Variants in TRIM22 observed in about 807,000 individuals in gnomAD.
The protein encoded by TRIM22 is tripartite motif containing 22.
TRIM22 carries 45 observed loss-of-function variants against 53.6 expected under a neutral mutation model. That is an observed-to-expected ratio of 0.84 (90% confidence interval 0.66 to 1.08). The LOEUF (loss-of-function observed/expected upper bound fraction) is 1.08. TRIM22 is among the 50% of genes least tolerant of loss of function. The pLI is 0.00. For synonymous variants in TRIM22, 225 were observed against 216.6 expected, an observed-to-expected ratio of 1.04 and a Z score of -0.34; for missense variants, 616 against 590.9, an observed-to-expected ratio of 1.04 and a Z score of -0.44.
chr11:5,703,176 A>C (rs1032992332), intron 4 of TRIM22, among the ~76,000 whole-genome samples: 11 of 152,162 alleles, frequency 7.2e-5, no homozygotes, highest in East Asian at 5.8e-4. Flanking sequence ...CCCAATCAGT[A>C]GTTTTTCAAC....
intron 3 of TRIM22, 195 bp downstream of exon 3, chr11:5,697,538 A>G (rs1005471993): frequency 2.1e-6 from 1 of 476,838 alleles, no homozygotes; most frequent in African/African-American, 1.9e-5. Context: ...AATCAACACT[A>G]TATTTGGAAG....
chr11:5,698,686 C>T, intron 4 of TRIM22, 141 bp downstream of exon 4: 1 of 660,144 alleles, frequency 1.5e-6, no homozygotes, highest in South Asian at 1.9e-5. Context: ...CCCTTTTATG[C>T]CCATCATTTC....
In TRIM22 at chr11:5,697,234, T is replaced by C. The variant is rs771589887; in HGVS notation, c.424-14T>C. 9 of 1,591,754 alleles carry C rather than the reference T, an allele frequency of 5.7e-6. No homozygotes were observed. The South Asian group carries it at 1.0e-4, about 18-fold the overall frequency. On this transcript the variant is annotated splice_polypyrimidine_tract_variant and intron_variant, in intron 2 of 7. Coordinates refer to ENST00000379965, the MANE Select transcript of TRIM22 (RefSeq NM_006074.5). ...AGCTCATAACTTTACTCTGGTATAATTTATTTCTTACAGGAAAAGCTGCAG... is the reference window on the plus strand; with the variant it reads ...AGCTCATAACTTTACTCTGGTATAACTTATTTCTTACAGGAAAAGCTGCAG...
At chr11:5,697,939 G>T (rs1034178046) in intron 3 of TRIM22, 1 of 203,792 alleles carries the variant, frequency 4.9e-6, no homozygotes, top group Non-Finnish European at 1.0e-5. Flanking sequence ...TCCTGACCTT[G>T]TGATCCACCC....
chr11:5,697,106 C>T, intron 2 of TRIM22, 142 bp from the exon 3 acceptor site: 1 of 605,276 alleles, frequency 1.7e-6, no homozygotes, highest in Non-Finnish European at 2.9e-6. Flanking sequence ...GATTTTCCCC[C>T]ATGCCATAGG....
At chr11:5,707,081 T>C (rs1317383658) in intron 5 of TRIM22, among the ~76,000 whole-genome samples, 5 of 152,224 alleles carry the variant, frequency 3.3e-5, no homozygotes, top group East Asian at 1.9e-4. Flanking sequence ...TCTTGAGGAA[T>C]AGTGGCTTTG....
intron 3 of TRIM22, chr11:5,697,564 A>C (rs896832332): frequency 9.1e-6 from 4 of 437,780 alleles, no homozygotes; most frequent in African/African-American, 2.0e-5. Flanking sequence ...GCATGGAGGG[A>C]AATATCTGTG....
At chr11:5,698,790 G>C (rs7950219) in intron 4 of TRIM22, among the ~76,000 whole-genome samples, 29,474 of 152,050 alleles carry the variant, frequency 0.19, 2,989 homozygotes, top group East Asian at 0.26. Context: ...AGCTTGGAGA[G>C]GATTCTTTGT....
chr11:5,696,731 C>A, intron 2 of TRIM22, 76 bp downstream of exon 2: 1 of 1,462,916 alleles, frequency 6.8e-7, no homozygotes, highest in Non-Finnish European at 9.2e-7. Flanking sequence ...CTTTTTTTGT[C>A]CTGCTTTATT....
Position 5,696,526 on chromosome 11 carries a change from G to A in TRIM22, c.294G>A (p.Glu98=). Residue 98 remains glutamate, a synonymous_variant, in exon 2 of 8, where the codon GAG becomes GAA. Transcript: ENST00000379965. ...PQEGQKRDVC[E]HHGKKLQIFC... ...AGGGGCAGAAGAGAGATGTCTGTGA[G>A]CACCATGGAAAAAAACTCCAGATCT... is the stretch of plus-strand genomic sequence containing the variant. The A allele has an allele frequency of 1.2e-6, 2 of 1,614,190 alleles. No homozygotes were observed. Among genetic ancestry groups the A allele is most frequent in the Non-Finnish European group, 1.7e-6 (2 of 1,180,038 alleles).
chr11:5,691,440 A>T (rs367668165), intron 1 of TRIM22, among the ~76,000 whole-genome samples: 1 of 152,222 alleles, frequency 6.6e-6, no homozygotes, highest in Middle Eastern at 3.2e-3. Flanking sequence ...ATAACAAACC[A>T]ATTAGGTCAG....
rs771700204 is a variant in TRIM22, at chr11:5,709,320, C to T, written c.1169C>T (p.Pro390Leu). The T allele has an allele frequency of 1.2e-5, 19 of 1,613,976 alleles. No homozygotes were observed. The Admixed American group carries it at 2.2e-4, about 18-fold the overall frequency. Residue 390 changes from proline to leucine, a missense_variant, in exon 8 of 8, where the codon CCA (proline) becomes CTA (leucine). Coordinates refer to ENST00000379965, the MANE Select transcript of TRIM22 (RefSeq NM_006074.5). ...AAGAGCTCTGGGTTTGCTTTTGATCCAAGTGTAAATTATTCAAAAGTTTAC... is the reference window on the plus strand; with the variant it reads ...AAGAGCTCTGGGTTTGCTTTTGATCTAAGTGTAAATTATTCAAAAGTTTAC... ...KRKSSGFAFD[P>L]SVNYSKVYSR...
At chr11:5,702,254 TATATATA>T (rs926023646) in intron 4 of TRIM22, among the ~76,000 whole-genome samples, 1 of 144,998 alleles carries the variant, frequency 6.9e-6, no homozygotes, top group East Asian at 1.9e-4. Flanking sequence ...TATATATAGT[TATATATA>T]ATATATAACT....
chr11:5,696,703 C>T (rs1377472374), intron 2 of TRIM22, 48 bp downstream of exon 2: 1 of 1,543,204 alleles, frequency 6.5e-7, no homozygotes, highest in African/African-American at 1.4e-5. Context: ...GAAGATGGTA[C>T]CTAATGTGAA....
Position 5,698,326 on chromosome 11 carries a change from G to A in TRIM22, c.531G>A (p.Gln177=). The A allele has an allele frequency of 1.2e-6, 2 of 1,614,104 alleles. No homozygotes were observed. Among genetic ancestry groups the A allele is most frequent in the Non-Finnish European group, 1.7e-6 (2 of 1,179,970 alleles). The change falls in exon 4 of 8, where the codon CAG becomes CAA. Residue 177 remains glutamine, a synonymous_variant. Coordinates refer to ENST00000379965, the MANE Select transcript of TRIM22 (RefSeq NM_006074.5). ...QERTAWKNYI[Q]IERQKILKGF... Reference sequence around the variant, plus strand: ...TTTTCATTCCCAAGAATTATATCCAGATCGAGAGACAGAAGATTCTGAAAG... The same window carrying A: ...TTTTCATTCCCAAGAATTATATCCAAATCGAGAGACAGAAGATTCTGAAAG...
In TRIM22 at chr11:5,709,261, C is replaced by T; in HGVS notation, c.1110C>T (p.Gly370=). Residue 370 remains glycine (G), a synonymous_variant, in exon 8 of 8, where the codon GGC becomes GGT. Coordinates refer to ENST00000379965, the MANE Select transcript of TRIM22 (RefSeq NM_006074.5). ...DVSGKIAWIL[G]VHSKISSLNK... is the part of the protein sequence containing the mutation. ...CTGGAAAGATTGCCTGGATCCTGGG[C>T]GTACACAGTAAAATAAGTAGTCTGA... 5 of 1,614,072 alleles carry T rather than the reference C, an allele frequency of 3.1e-6. No individual in the cohort carries two copies. The highest frequency in any genetic ancestry group is 1.3e-5 in the African/African-American group (1 of 75,016).
At chr11:5,705,796 G>A (rs373255389) in intron 4 of TRIM22, among the ~76,000 whole-genome samples, 1 of 152,096 alleles carries the variant, frequency 6.6e-6, no homozygotes, top group Admixed American at 6.5e-5. Flanking sequence ...GACACTATTC[G>A]GGACAGTGGG....
At chr11:5,702,407 A>ATAAAAATATTT (rs1853388878) in intron 4 of TRIM22, among the ~76,000 whole-genome samples, 2 of 147,548 alleles carry the variant, frequency 1.4e-5, no homozygotes, top group African/African-American at 4.9e-5. Flanking sequence ...TATTTGAAAT[A>ATAAAAATATTT]TAAAAATATT....
chr11:5,694,815 G>GT (rs1853231934), intron 1 of TRIM22, among the ~76,000 whole-genome samples: 1 of 152,106 alleles, frequency 6.6e-6, no homozygotes, highest in Admixed American at 6.5e-5. Flanking sequence ...GGGTGTGTGT[G>GT]TATGTCTTTG....
Sources: allele counts gnomAD v4.1 joint callset (sites outside exome capture counted in the v4.1 genomes callset), GRCh38; gene constraint gnomAD v4.1.1; transcripts MANE v1.5; gene names NCBI Gene and HGNC (gene_info 2026-07-23, HGNC 2026-07-21).